The following DDX50 variants were observed in gnomAD, a reference collection of about 807,000 sequenced individuals.
DDX50 encodes ATP-dependent RNA helicase DDX50.
A neutral mutation model predicts 94.8 loss-of-function variants in DDX50; 56 were observed. The ratio of observed to expected loss-of-function variants is 0.59; its 90% CI spans 0.48 to 0.74. The LOEUF (loss-of-function observed/expected upper bound fraction) is 0.74, where lower values mean the gene tolerates loss of function less well. DDX50 is among the 30% of genes least tolerant of loss of function. The pLI, the probability that DDX50 is intolerant of heterozygous loss-of-function variation, is 0.00. For synonymous variants in DDX50, 264 were observed against 295.4 expected (o/e 0.89, Z 1.09); for missense variants, 713 against 881.2 (o/e 0.81, Z 2.42).
chr10:68,926,413 G>A (rs1448887946), intron 8 of DDX50, among the ~76,000 whole-genome samples: 2 of 151,748 alleles, frequency 1.3e-5, no homozygotes, highest in East Asian at 4.0e-4. Context: ...GTGATTTGGA[G>A]AATGGAATTC....
chr10:68,928,628 C>G lies in DDX50; in HGVS notation c.1240-5571C>G, dbSNP rs151025477. Reference sequence around the variant, plus strand: ...AGATATGTATAGATAGGTCTAATCACTCCTGTGGCTCCAGTCATTGAGTAT... The same window carrying G: ...AGATATGTATAGATAGGTCTAATCAGTCCTGTGGCTCCAGTCATTGAGTAT... On this transcript the variant is annotated intron_variant, in intron 8 of 14. Coordinates refer to ENST00000373585, the MANE Select transcript of DDX50 (RefSeq NM_024045.2). 5.2e-3 allele frequency among the ~76,000 whole-genome samples: 795 copies of G among 152,310 alleles called. 9 individuals carry two copies. Among genetic ancestry groups the G allele is most frequent in the African/African-American group, 0.018 (750 of 41,562 alleles).
Position 68,914,983 on chromosome 10 carries a change from C to A in DDX50, c.1089+779C>A, listed in dbSNP as rs566431775. ...TTGCAGTAAGCTGAGATTGCGCCACCGTACTCCAGCCTGGGTGACAGAGGG... is the reference window on the plus strand; with the variant it reads ...TTGCAGTAAGCTGAGATTGCGCCACAGTACTCCAGCCTGGGTGACAGAGGG... On this transcript the variant is annotated intron_variant, in intron 7 of 14. Coordinates refer to ENST00000373585, the MANE Select transcript of DDX50 (RefSeq NM_024045.2). 2.6e-4 allele frequency among the ~76,000 whole-genome samples: 39 copies of A among 147,320 alleles called. 1 individual carries two copies.
intron 8 of DDX50, among the ~76,000 whole-genome samples, chr10:68,928,576 T>C (rs1319900050): frequency 6.6e-6 from 1 of 152,090 alleles, no homozygotes; most frequent in Non-Finnish European, 1.5e-5. Flanking sequence ...AAGCAAGGAG[T>C]CAATTAGTAT....
At chr10:68,919,322 A>G (rs1031492877) in intron 7 of DDX50, among the ~76,000 whole-genome samples, 4 of 152,146 alleles carry the variant, frequency 2.6e-5, no homozygotes, top group African/African-American at 9.7e-5. Context: ...TCTTGTGTAC[A>G]TTTGCCTATT....
In DDX50 at chr10:68,911,152, G is replaced by A. The variant is rs371842581; in HGVS notation, c.545G>A (p.Arg182Gln). The A allele has an allele frequency of 5.0e-6, 8 of 1,612,172 alleles. No individual in the cohort carries two copies. The highest frequency in any genetic ancestry group is 1.3e-5 in the African/African-American group (1 of 74,788). Residue 182 changes from arginine (R) to glutamine (Q), a missense_variant, in exon 4 of 15, where the codon CGG (arginine) becomes CAG (glutamine). Physicochemically the swap from Arg to Gln is conservative, Grantham distance 43. Transcript: ENST00000373585. ...YEGKDLIAQA[R>Q]TGTGKTFSFA... ...GGAAAAGATTTAATAGCTCAAGCAC[G>A]GACAGGAACAGGAAAGACATTCTCT...
At chr10:68,916,088 G>C (rs999249392) in intron 7 of DDX50, among the ~76,000 whole-genome samples, 20 of 152,302 alleles carry the variant, frequency 1.3e-4, no homozygotes, top group African/African-American at 4.8e-4. Flanking sequence ...GGGCGTGGTA[G>C]CTCATGCCTG....
chr10:68,911,589 G>A (rs925999898), intron 4 of DDX50: 6 of 163,994 alleles, frequency 3.7e-5, no homozygotes, highest in African/African-American at 1.4e-4. Flanking sequence ...CTAAAGAGGT[G>A]TTCATTTATT....
chr10:68,906,888 C>T lies in DDX50; in HGVS notation c.265C>T (p.His89Tyr). 2 of 1,610,664 alleles carry T rather than the reference C, an allele frequency of 1.2e-6. No homozygotes were observed. Among genetic ancestry groups the T allele is most frequent in the Non-Finnish European group, 1.7e-6 (2 of 1,179,328 alleles). The change falls in exon 2 of 15, where the codon CAT becomes TAT. Residue 89 changes from histidine (H) to tyrosine (Y), a missense_variant. Transcript: ENST00000373585. ...ACTTTCAGATGAATTCTCCAAATCT[C>T]ATAAGTCAAGAAGAAAAGATCTACC... The part of the protein sequence containing the change: ...NRLSDEFSKS[H>Y]KSRRKDLPNG...
chr10:68,936,810 C>T, intron 11 of DDX50, 126 bp from the exon 12 acceptor site: 1 of 956,270 alleles, frequency 1.0e-6, no homozygotes, highest in South Asian at 1.9e-5. Context: ...CAGTGCGCTC[C>T]AGACTGGGTG....
At chr10:68,920,817 C>T (rs1841919407) in intron 8 of DDX50, among the ~76,000 whole-genome samples, 1 of 151,102 alleles carries the variant, frequency 6.6e-6, no homozygotes, top group South Asian at 2.1e-4. Flanking sequence ...TGGTGGTGGG[C>T]GCCTGTAATC....
At chr10:68,930,148 G>A (rs866097454) in intron 8 of DDX50, among the ~76,000 whole-genome samples, 1 of 106,000 alleles carries the variant, frequency 9.4e-6, no homozygotes, top group Non-Finnish European at 1.7e-5. Flanking sequence ...ATGGAGTTTC[G>A]CTCTTGTCGC....
intron 8 of DDX50, among the ~76,000 whole-genome samples, chr10:68,926,952 G>A (rs374461933): frequency 1.3e-5 from 2 of 151,882 alleles, no homozygotes; most frequent in East Asian, 1.9e-4. Flanking sequence ...TTACTCCGTC[G>A]CCCAGGCTGA....
intron 8 of DDX50, among the ~76,000 whole-genome samples, chr10:68,929,287 T>TCCTTCCTTCCTC (rs1842174186): frequency 1.3e-5 from 1 of 77,976 alleles, no homozygotes; most frequent in Non-Finnish European, 3.2e-5. Flanking sequence ...CTTCCTTCCT[T>TCCTTCCTTCCTC]CCTTCCTCTC....
At chr10:68,912,285 C>T (rs183536555) in intron 4 of DDX50, among the ~76,000 whole-genome samples, 62 of 152,182 alleles carry the variant, frequency 4.1e-4, no homozygotes, top group African/African-American at 1.3e-3. Context: ...GATCATGGCT[C>T]ATTGTAGCCA....
chr10:68,909,763 A>G (rs1841570811), intron 2 of DDX50, among the ~76,000 whole-genome samples: 1 of 152,104 alleles, frequency 6.6e-6, no homozygotes, highest in African/African-American at 2.4e-5. Flanking sequence ...CCTGGGTTCA[A>G]GCAATTATCC....
chr10:68,901,604 G>A, intron 1 of DDX50, 133 bp downstream of exon 1: 2 of 945,308 alleles, frequency 2.1e-6, no homozygotes, highest in Non-Finnish European at 3.1e-6. Context: ...GCCGCCCTCG[G>A]CCCTCTGGGG....
At chr10:68,940,489 G>A (rs570825680) in intron 12 of DDX50, among the ~76,000 whole-genome samples, 37 of 151,566 alleles carry the variant, frequency 2.4e-4, no homozygotes, top group Admixed American at 9.8e-4. Context: ...GTGCAATCTC[G>A]GCTCACTGCA....
chr10:68,935,412 ATC>A (rs1270281983), intron 10 of DDX50, among the ~76,000 whole-genome samples: 1 of 150,518 alleles, frequency 6.6e-6, no homozygotes, highest in Non-Finnish European at 1.5e-5. Flanking sequence ...AGATTTAAAC[ATC>A]TGTTTTGTTT....
At chr10:68,907,878 A>G (rs1343824337) in intron 2 of DDX50, among the ~76,000 whole-genome samples, 2 of 152,142 alleles carry the variant, frequency 1.3e-5, no homozygotes, top group Non-Finnish European at 2.9e-5. Context: ...AATCTGTATT[A>G]TAATAGGTTT....
Sources: allele counts gnomAD v4.1 joint callset (sites outside exome capture counted in the v4.1 genomes callset), GRCh38; gene constraint gnomAD v4.1.1; transcripts MANE v1.5; gene names NCBI Gene and HGNC (gene_info 2026-07-23, HGNC 2026-07-21).